Variants in ATXN7 observed in about 807,000 individuals in gnomAD.
ATXN7 encodes ataxin-7.
ATXN7 carries 12 observed loss-of-function variants against 70.5 expected under a neutral mutation model. The observed-to-expected ratio is 0.17, with a 90% CI of 0.11 to 0.28. The LOEUF is 0.28. ATXN7 is among the 10% of genes least tolerant of loss of function. ATXN7 has a pLI of 1.00. For missense variants in ATXN7, 1,256 were observed against 1,131.7 expected, an observed-to-expected ratio of 1.11 and a Z score of -1.58; for synonymous variants, 498 against 448.7, an observed-to-expected ratio of 1.11 and a Z score of -1.39.
At chr3:63,999,066 C>T in intron 12 of ATXN7, 2 of 207,730 alleles carry the variant, frequency 9.6e-6, no homozygotes, top group Non-Finnish European at 2.0e-5. Context: ...GTGTGCTAGC[C>T]CTTGACCTTG....
chr3:63,868,317 T>G (rs1229426713), intron 1 of ATXN7, among the ~76,000 whole-genome samples: 1 of 152,220 alleles, frequency 6.6e-6, no homozygotes, highest in Non-Finnish European at 1.5e-5. Flanking sequence ...TTACCCTGCT[T>G]GACTCTTCAG....
In ATXN7 at chr3:64,003,089, T is replaced by G. The variant is rs1576015049; in HGVS notation, c.*3622T>G. The G allele has an allele frequency of 1.3e-5, 2 of 152,298 alleles. No individual in the cohort carries two copies. Among genetic ancestry groups the G allele is most frequent in the South Asian group, 4.1e-4 (2 of 4,828 alleles). The allele number at this position is 152,298 out of a possible 1,614,324, so 9.4% of individuals were successfully genotyped here. A position where few individuals can be genotyped will look rare whatever the true frequency, so the allele number is the denominator to read the frequency against. On this transcript the variant is annotated 3_prime_UTR_variant, in exon 13 of 13. Transcript: ENST00000674280. ...GCTTTGAAAAAATATTCTTAAAAGT[T>G]TGTTTAGCAGAAAATAATCACTTTT...
At chr3:63,864,540 G>T (rs1259773750) in intron 1 of ATXN7, 2 of 152,154 alleles carry the variant, frequency 1.3e-5, no homozygotes, top group African/African-American at 4.8e-5. Flanking sequence ...CTTCCTTCCT[G>T]GGCTCGGCGG....
chr3:63,898,757 A>G (rs1285326105), intron 2 of ATXN7, among the ~76,000 whole-genome samples: 1 of 152,220 alleles, frequency 6.6e-6, no homozygotes, highest in Non-Finnish European at 1.5e-5. Flanking sequence ...AATTGCAGGA[A>G]GACTTTAGTT....
At chr3:63,962,908 C>CTT (rs71631179) in intron 5 of ATXN7, among the ~76,000 whole-genome samples, 18 of 136,342 alleles carry the variant, frequency 1.3e-4, no homozygotes, top group Non-Finnish European at 1.7e-4. Flanking sequence ...TTTTGTATTT[C>CTT]TTTTTTTTTT....
chr3:63,977,890 T>C (rs763857359), intron 5 of ATXN7, among the ~76,000 whole-genome samples: 28 of 152,222 alleles, frequency 1.8e-4, no homozygotes, highest in Non-Finnish European at 3.1e-4. Flanking sequence ...TTTAAAAAAA[T>C]AGTATTTTAT....
At chr3:63,951,641 T>C (rs1248573369) in intron 4 of ATXN7, among the ~76,000 whole-genome samples, 1 of 152,226 alleles carries the variant, frequency 6.6e-6, no homozygotes, top group African/African-American at 2.4e-5. Flanking sequence ...GATGTTTTAG[T>C]TAACCATATT....
At chr3:63,915,622 A>G (rs1450358120) in intron 4 of ATXN7, among the ~76,000 whole-genome samples, 1 of 152,230 alleles carries the variant, frequency 6.6e-6, no homozygotes, top group African/African-American at 2.4e-5. Flanking sequence ...GTTAAATTGA[A>G]GAAATATGTA....
intron 5 of ATXN7, among the ~76,000 whole-genome samples, chr3:63,961,540 A>C (rs1285933797): frequency 6.6e-6 from 1 of 152,166 alleles, no homozygotes; most frequent in Admixed American, 6.5e-5. Flanking sequence ...TTGCCACAAT[A>C]ATAAGGCAGT....
intron 5 of ATXN7, among the ~76,000 whole-genome samples, chr3:63,973,771 G>C (rs1228774859): frequency 6.6e-6 from 1 of 152,032 alleles, no homozygotes; most frequent in Non-Finnish European, 1.5e-5. Context: ...AGAGGATTCA[G>C]GGAGAGGGGA....
At chr3:63,914,889 G>A (rs1704200177) in intron 4 of ATXN7, among the ~76,000 whole-genome samples, 1 of 152,116 alleles carries the variant, frequency 6.6e-6, no homozygotes, top group African/African-American at 2.4e-5. Context: ...ACCTACTTGA[G>A]GCACAAAAGG....
At chr3:63,982,623 A>AGAGT (rs147414924) in intron 7 of ATXN7, among the ~76,000 whole-genome samples, 178 bp downstream of exon 7, 5 of 143,464 alleles carry the variant, frequency 3.5e-5, no homozygotes, top group Admixed American at 7.0e-5. Context: ...AAAGAGCATG[A>AGAGT]GTGTGTGTGT....
intron 12 of ATXN7, chr3:63,998,826 C>T: frequency 4.9e-6 from 2 of 410,196 alleles, no homozygotes; most frequent in South Asian, 1.0e-4. Context: ...CTTGCTGTTC[C>T]TTGTGGAGCT....
At chr3:63,974,230 T>A (rs904519292) in intron 5 of ATXN7, among the ~76,000 whole-genome samples, 1 of 152,192 alleles carries the variant, frequency 6.6e-6, no homozygotes, top group African/African-American at 2.4e-5. Context: ...AATGGAAAGA[T>A]GAAATCGAAA....
chr3:63,919,676 C>T (rs1828944), intron 4 of ATXN7, among the ~76,000 whole-genome samples: 61,819 of 150,464 alleles, frequency 0.41, 14,422 homozygotes, highest in African/African-American at 0.65. Flanking sequence ...TGTATACATG[C>T]GCCATGTTGG....
intron 9 of ATXN7, chr3:63,988,602 C>G (rs2075616705): frequency 2.7e-6 from 1 of 374,458 alleles, no homozygotes; most frequent in Non-Finnish European, 4.8e-6. Flanking sequence ...GTTGAGCAGG[C>G]AGAAATTGGG....
chr3:63,932,583 T>C (rs976676668), intron 4 of ATXN7, among the ~76,000 whole-genome samples: 3 of 152,208 alleles, frequency 2.0e-5, no homozygotes, highest in Non-Finnish European at 4.4e-5. Context: ...AACTACTTAA[T>C]GTGGCTGGTG....
chr3:64,000,948 TAGA>T lies in ATXN7; in HGVS notation c.*1486_*1488del, dbSNP rs1466284077. 1 of 151,886 alleles carries T rather than the reference TAGA, an allele frequency of 6.6e-6. No homozygotes were observed. The highest frequency in any genetic ancestry group is 1.5e-5 in the Non-Finnish European group (1 of 68,010). The allele number at this position is 151,886 out of a possible 1,614,324, so 9.4% of individuals were successfully genotyped here. ...GACACGAGTAACAGGCACTGTTGCT[TAGA>T]AGAACACACGAAGTTGCCGAACACA... On this transcript the variant is annotated 3_prime_UTR_variant, in exon 13 of 13. Transcript: ENST00000674280.
chr3:63,907,535 C>T (rs1239473657), intron 2 of ATXN7, among the ~76,000 whole-genome samples: 1 of 147,668 alleles, frequency 6.8e-6, no homozygotes, highest in Non-Finnish European at 1.5e-5. Flanking sequence ...TCTCAGTTCA[C>T]TGCAGCCTCA....
Sources: gnomAD v4.1 joint callset for allele counts (sites outside exome capture counted in the v4.1 genomes callset) on GRCh38, gnomAD v4.1.1 for gene constraint, MANE v1.5 for transcripts, NCBI Gene and HGNC (gene_info 2026-07-23, HGNC 2026-07-21) for gene names.